The following NBAS variants were observed in gnomAD, a reference collection of about 807,000 sequenced individuals.
NBAS encodes the protein NAG/BC035112 fusion.
NBAS carries 219 observed loss-of-function variants against 302.5 expected under a neutral mutation model. That is an observed-to-expected ratio of 0.72 (90% CI 0.65 to 0.81). The LOEUF is 0.81. Ranked by LOEUF, NBAS falls within the 30% of genes least tolerant of loss-of-function variation. The pLI, the probability that NBAS is intolerant of heterozygous loss-of-function variation, is 0.00. For missense variants in NBAS, 2,932 were observed against 2,841.6 expected (o/e 1.03, Z -0.72); for synonymous variants, 1,118 against 1,021.6 (o/e 1.09, Z -1.80).
At chr2:15,223,272 G>A (rs1667026326) in intron 47 of NBAS, among the ~76,000 whole-genome samples, 1 of 152,002 alleles carries the variant, frequency 6.6e-6, no homozygotes, top group African/African-American at 2.4e-5. Context: ...GGGAAACAGA[G>A]AGGAAGAACC....
At chr2:15,545,949 T>G (rs545191241) in intron 6 of NBAS, among the ~76,000 whole-genome samples, 1 of 152,326 alleles carries the variant, frequency 6.6e-6, no homozygotes, top group East Asian at 1.9e-4. Flanking sequence ...TGGAATCAAA[T>G]ACAATATCTA....
At chr2:15,146,147 C>G in the NBAS span, among the ~76,000 whole-genome samples, 1 of 152,106 alleles carries the variant, frequency 6.6e-6, no homozygotes, top group African/African-American at 2.4e-5. Context: ...GTGCCACTCA[C>G]TAGCTGTGTG....
At chr2:15,218,666 G>A in intron 48 of NBAS, 107 bp downstream of exon 48, 1 of 1,447,538 alleles carries the variant, frequency 6.9e-7, no homozygotes, top group Non-Finnish European at 9.7e-7. Flanking sequence ...GGCCTCAGGT[G>A]ATCCTCCCAC....
At chr2:15,135,277 G>A in the NBAS span, among the ~76,000 whole-genome samples, 2 of 152,200 alleles carry the variant, frequency 1.3e-5, no homozygotes, top group African/African-American at 4.8e-5. Flanking sequence ...GACTTAAACT[G>A]TTCTGCAGTT....
At chr2:15,171,680 C>G (rs540004993) in intron 51 of NBAS, among the ~76,000 whole-genome samples, 1 of 152,178 alleles carries the variant, frequency 6.6e-6, no homozygotes, top group African/African-American at 2.4e-5. Context: ...ATTCGTATGT[C>G]GAAGCCCTTA....
the NBAS span, among the ~76,000 whole-genome samples, chr2:15,071,517 G>T: frequency 6.6e-6 from 1 of 151,782 alleles, no homozygotes; most frequent in Non-Finnish European, 1.5e-5. Flanking sequence ...CCAGCTACTC[G>T]GGGGACTGAG....
At chr2:15,028,245 C>G in the NBAS span, among the ~76,000 whole-genome samples, 2 of 152,142 alleles carry the variant, frequency 1.3e-5, no homozygotes, top group Non-Finnish European at 2.9e-5. Context: ...CTTTCGAACT[C>G]TGGTATGAAT....
rs1396121668 is a variant in NBAS at position 15,511,522 on chromosome 2, T to C, written c.747-172A>G. Among the ~76,000 whole-genome samples the C allele has an allele frequency of 2.6e-5, 4 of 152,086 alleles. No homozygotes were observed. The South Asian group carries it at 6.2e-4, about 24-fold the overall frequency. On this transcript the variant is annotated intron_variant, in intron 9 of 51. Coordinates refer to ENST00000281513, the MANE Select transcript of NBAS (RefSeq NM_015909.4). ...AAACAATCAAAAGAAAACCAAACTG[T>C]TTTTCAATTAGAATTTCACCATATA...
chr2:15,077,481 A>G, the NBAS span, among the ~76,000 whole-genome samples: 2 of 152,212 alleles, frequency 1.3e-5, no homozygotes, highest in African/African-American at 4.8e-5. Context: ...CACTGAGAAT[A>G]GAGTGACAAA....
the NBAS span, among the ~76,000 whole-genome samples, chr2:14,833,921 C>T: frequency 6.6e-6 from 1 of 152,110 alleles, no homozygotes; most frequent in Non-Finnish European, 1.5e-5. Flanking sequence ...TTTGAATCCA[C>T]ATATATGAAG....
chr2:15,426,656 ATCTTC>A (rs1677494416), intron 22 of NBAS, among the ~76,000 whole-genome samples: 1 of 152,186 alleles, frequency 6.6e-6, no homozygotes, highest in African/African-American at 2.4e-5. Context: ...CAAATACAGT[ATCTTC>A]TCTTATCTCC....
the NBAS span, among the ~76,000 whole-genome samples, chr2:14,985,117 A>C: frequency 6.6e-6 from 1 of 152,210 alleles, no homozygotes; most frequent in Non-Finnish European, 1.5e-5. Context: ...AGCAGAGGTA[A>C]ATGTACAGTG....
the NBAS span, among the ~76,000 whole-genome samples, chr2:15,018,874 G>C: frequency 6.6e-6 from 1 of 151,472 alleles, no homozygotes; most frequent in Non-Finnish European, 1.5e-5. Context: ...TTTCCTCTTT[G>C]TTTATATCCA....
At chr2:15,108,579 G>C in the NBAS span, among the ~76,000 whole-genome samples, 92 of 152,248 alleles carry the variant, frequency 6.0e-4, 1 homozygote, top group African/African-American at 2.2e-3. Context: ...AAGTTGTAAT[G>C]AAGCAGCCCC....
At chr2:15,415,765 A>T in intron 24 of NBAS, 46 bp from the exon 25 acceptor site, 2 of 1,598,498 alleles carry the variant, frequency 1.3e-6, no homozygotes, top group Non-Finnish European at 1.7e-6. Context: ...ATGAAGTTAA[A>T]CTAAATGCCT....
At chr2:15,086,094 C>T in the NBAS span, among the ~76,000 whole-genome samples, 1 of 152,074 alleles carries the variant, frequency 6.6e-6, no homozygotes, top group African/African-American at 2.4e-5. Flanking sequence ...AGAGTGGGGA[C>T]TTGTGTTGCC....
chr2:15,461,876 C>T, intron 19 of NBAS, 85 bp from the exon 20 acceptor site: 1 of 759,512 alleles, frequency 1.3e-6, no homozygotes, highest in Non-Finnish European at 2.3e-6. Context: ...CTTTACAACT[C>T]TGCCTGCCTA....
At chr2:15,445,848 A>G (rs1286596132) in intron 21 of NBAS, among the ~76,000 whole-genome samples, 1 of 151,964 alleles carries the variant, frequency 6.6e-6, no homozygotes, top group Non-Finnish European at 1.5e-5. Context: ...TGAGAACAAG[A>G]GGCACAGAAT....
rs929329539 is a variant in NBAS at position 15,556,646 on chromosome 2, A to AT, written c.209+136dup. On this transcript the variant is annotated intron_variant, in intron 3 of 51. Transcript: ENST00000281513. ...GTCAGATTCTACCTAAATGTTTGAAATGTCTCATACTGAGTTTGCCTGAAT... is the reference window on the plus strand; with the variant it reads ...GTCAGATTCTACCTAAATGTTTGAAATTGTCTCATACTGAGTTTGCCTGAAT... 5.1e-6 allele frequency: 4 copies of AT among 783,594 alleles called. No homozygotes were observed. In the African/African-American group the frequency reaches 7.0e-5, roughly 14 times the overall value. 48.5% of individuals were successfully genotyped at this position (783,594 alleles called of 1,614,324 possible).
Sources: allele counts gnomAD v4.1 joint callset (sites outside exome capture counted in the v4.1 genomes callset), GRCh38; gene constraint gnomAD v4.1.1; transcripts MANE v1.5; gene names NCBI Gene and HGNC (gene_info 2026-07-23, HGNC 2026-07-21).